Variants in CACNB2 observed in about 807,000 individuals in gnomAD.
CACNB2 encodes the protein voltage-dependent L-type calcium channel subunit beta-2.
CACNB2 carries 42 observed loss-of-function variants against 73.3 expected under a neutral mutation model. The observed-to-expected ratio is 0.57, with a 90% CI of 0.45 to 0.74. The LOEUF (loss-of-function observed/expected upper bound fraction) is 0.74, where lower values mean the gene tolerates loss of function less well. CACNB2 is among the 30% of genes least tolerant of loss of function. CACNB2 has a pLI of 0.00. For synonymous variants in CACNB2, 348 were observed against 310.3 expected (o/e 1.12, Z -1.28); for missense variants, 940 against 853.0 (o/e 1.10, Z -1.27).
In CACNB2 at chr10:18,270,008, A is replaced by G. The variant is rs114357912; in HGVS notation, c.213+119033A>G. 8.0e-3 allele frequency among the ~76,000 whole-genome samples: 1,219 copies of G among 152,232 alleles called. 15 individuals carry two copies. Among genetic ancestry groups the G allele is most frequent in the African/African-American group, 0.028 (1,181 of 41,530 alleles). ...ATTTTCTTCCCCAGTTACCACAGTA[A>G]CTGCAGTAGTCCATTCTCACCCTGC... On this transcript the variant is annotated intron_variant, in intron 2 of 13. Coordinates refer to ENST00000324631, the MANE Select transcript of CACNB2 (RefSeq NM_201596.3).
chr10:18,376,734 G>A (rs796812558), intron 2 of CACNB2, among the ~76,000 whole-genome samples: 21 of 152,216 alleles, frequency 1.4e-4, no homozygotes, highest in Non-Finnish European at 1.8e-4. Context: ...TTTCCAGCTC[G>A]GAGGAGGGTT....
intron 2 of CACNB2, among the ~76,000 whole-genome samples, chr10:18,215,848 T>C (rs1305881984): frequency 6.6e-6 from 1 of 152,158 alleles, no homozygotes; most frequent in Admixed American, 6.6e-5. Flanking sequence ...GGTCTGGTTT[T>C]TCAGTCTCGT....
intron 1 of CACNB2, among the ~76,000 whole-genome samples, chr10:18,150,604 G>A (rs748606238): frequency 1.2e-4 from 19 of 152,128 alleles, no homozygotes; most frequent in Non-Finnish European, 2.5e-4. Flanking sequence ...CGGAGGTTGC[G>A]GTGAGCCAAG....
chr10:18,539,740 G>GTTTTTT lies in CACNB2; in HGVS notation c.*30_*35dup. ...CCGCCAATGAGTTTTGCCCGTTTGT[G>GTTTTTT]TTTTTTTTTTTTTTTTTTTGAAGTC... On this transcript the variant is annotated 3_prime_UTR_variant, in exon 14 of 14. Coordinates refer to ENST00000324631, the MANE Select transcript of CACNB2 (RefSeq NM_201596.3). 3.5e-6 allele frequency: 5 copies of GTTTTTT among 1,448,614 alleles called. No homozygotes were observed. The highest frequency in any genetic ancestry group is 3.1e-5 in the African/African-American group (2 of 63,990). 89.7% of individuals were successfully genotyped at this position (1,448,614 alleles called of 1,614,324 possible).
chr10:18,535,644 G>T (rs767184641), intron 11 of CACNB2, among the ~76,000 whole-genome samples: 8 of 151,978 alleles, frequency 5.3e-5, no homozygotes, highest in Non-Finnish European at 1.2e-4. Flanking sequence ...GTGGTGGCGG[G>T]TGCCTGTAGT....
At chr10:18,483,906 C>T (rs1279176466) in intron 3 of CACNB2, among the ~76,000 whole-genome samples, 1 of 152,096 alleles carries the variant, frequency 6.6e-6, no homozygotes, top group Non-Finnish European at 1.5e-5. Flanking sequence ...CATTACTGTC[C>T]TCGCCACAGA....
intron 2 of CACNB2, among the ~76,000 whole-genome samples, chr10:18,373,876 A>G (rs1038734538): frequency 5.3e-5 from 8 of 152,216 alleles, no homozygotes; most frequent in African/African-American, 1.9e-4. Context: ...TGATTTCCAC[A>G]CTTCCAAAAC....
At chr10:18,328,652 C>A (rs2040678398) in intron 2 of CACNB2, among the ~76,000 whole-genome samples, 1 of 152,168 alleles carries the variant, frequency 6.6e-6, no homozygotes, top group Non-Finnish European at 1.5e-5. Context: ...CCTAATTTAA[C>A]AAACCAGTGT....
At chr10:18,264,307 C>A (rs561745015) in intron 2 of CACNB2, among the ~76,000 whole-genome samples, 2 of 152,292 alleles carry the variant, frequency 1.3e-5, no homozygotes, top group Admixed American at 1.3e-4. Flanking sequence ...AAGCATTTAT[C>A]CTTTGTGTCA....
At chr10:18,497,395 A>G (rs890354700) in intron 3 of CACNB2, among the ~76,000 whole-genome samples, 2 of 152,056 alleles carry the variant, frequency 1.3e-5, no homozygotes, top group Non-Finnish European at 2.9e-5. Flanking sequence ...ATAAATGCTT[A>G]TCTGTAAATT....
At chr10:18,501,414 C>G (rs1401390744) in intron 5 of CACNB2, among the ~76,000 whole-genome samples, 1 of 152,208 alleles carries the variant, frequency 6.6e-6, no homozygotes, top group Non-Finnish European at 1.5e-5. Context: ...ATTTTCAGTT[C>G]TACCCACTGT....
intron 2 of CACNB2, among the ~76,000 whole-genome samples, chr10:18,236,355 G>C (rs1223226202): frequency 6.6e-6 from 1 of 152,224 alleles, no homozygotes; most frequent in African/African-American, 2.4e-5. Context: ...AAGGGCGCAA[G>C]CCCACAGTAT....
intron 3 of CACNB2, among the ~76,000 whole-genome samples, chr10:18,433,824 A>T (rs959536091): frequency 3.3e-5 from 5 of 152,196 alleles, no homozygotes; most frequent in Non-Finnish European, 7.3e-5. Context: ...GAAACTGTCT[A>T]TCCCCTAATC....
At chr10:18,415,327 A>G (rs971730002) in intron 3 of CACNB2, among the ~76,000 whole-genome samples, 1 of 152,096 alleles carries the variant, frequency 6.6e-6, no homozygotes, top group South Asian at 2.1e-4. Context: ...ATAGTTAGGT[A>G]TGGTGGTACA....
intron 2 of CACNB2, among the ~76,000 whole-genome samples, chr10:18,249,976 C>A (rs146665117): frequency 3.9e-5 from 6 of 152,308 alleles, no homozygotes; most frequent in Non-Finnish European, 5.9e-5. Flanking sequence ...CCATCTCCCC[C>A]CTTCCAGCTT....
Position 18,290,112 on chromosome 10 carries a change from C to CTTTTTTTTTTTTTTT in CACNB2, c.214-111799_214-111785dup, listed in dbSNP as rs992393946. On this transcript the variant is annotated intron_variant, in intron 2 of 13. Coordinates refer to ENST00000324631, the MANE Select transcript of CACNB2 (RefSeq NM_201596.3). ...TAAAGTTTTTTTCTTTTTTCTTTTT[C>CTTTTTTTTTTTTTTT]TTTTTTTTTTTTTTTTTTTTTTTTT... 3.3e-3 allele frequency among the ~76,000 whole-genome samples: 163 copies of CTTTTTTTTTTTTTTT among 50,152 alleles called. 12 individuals are homozygous for CTTTTTTTTTTTTTTT. Among genetic ancestry groups the CTTTTTTTTTTTTTTT allele is most frequent in the Middle Eastern group, 0.023 (1 of 44 alleles). The allele number at this position is 50,152 out of a possible 152,430, so 32.9% of individuals were successfully genotyped here.
At position 18,543,349 on chromosome 10, in the gene CACNB2, A is replaced by G. The variant is rs181712695; in HGVS notation, c.*3625A>G. ...AAATATTTTATTCAACGTGAGCTCT[A>G]GCAGAATAATCTGGGTCAGTTATGA... is the stretch of plus-strand genomic sequence containing the variant. On this transcript the variant is annotated 3_prime_UTR_variant, in exon 14 of 14. Transcript: ENST00000324631. 3.6e-4 allele frequency: 55 copies of G among 152,250 alleles called. 1 individual carries two copies. Among genetic ancestry groups the G allele is most frequent in the African/African-American group, 1.3e-3 (54 of 41,558 alleles). 9.4% of individuals were successfully genotyped at this position (152,250 alleles called of 1,614,324 possible). A position where few individuals can be genotyped will look rare whatever the true frequency, so the allele number is the denominator to read the frequency against.
intron 2 of CACNB2, among the ~76,000 whole-genome samples, chr10:18,246,596 T>A (rs563171911): frequency 6.6e-6 from 1 of 152,184 alleles, no homozygotes; most frequent in African/African-American, 2.4e-5. Context: ...TTGTTTGTGT[T>A]TACAGTCAGG....
At chr10:18,177,797 A>G (rs531593503) in intron 2 of CACNB2, among the ~76,000 whole-genome samples, 3 of 152,214 alleles carry the variant, frequency 2.0e-5, no homozygotes, top group Non-Finnish European at 4.4e-5. Flanking sequence ...AACATGTTAC[A>G]TAAGATAAAG....
Sources: gnomAD v4.1 joint callset for allele counts (sites outside exome capture counted in the v4.1 genomes callset) on GRCh38, gnomAD v4.1.1 for gene constraint, MANE v1.5 for transcripts, NCBI Gene and HGNC (gene_info 2026-07-23, HGNC 2026-07-21) for gene names.